Variants in SLC7A10 observed in about 807,000 individuals in gnomAD.
SLC7A10 encodes the protein solute carrier family 7 member 10.
SLC7A10 carries 30 observed loss-of-function variants against 52.7 expected under a neutral mutation model. That is an observed-to-expected ratio of 0.57 (90% CI 0.43 to 0.77). SLC7A10 has a LOEUF of 0.77. SLC7A10 is among the 30% of genes least tolerant of loss of function. SLC7A10 has a pLI of 0.00. For missense variants in SLC7A10, 581 were observed against 698.5 expected (o/e 0.83, Z 1.90); for synonymous variants, 318 against 314.9 (o/e 1.01, Z -0.10).
Position 33,215,851 on chromosome 19 carries a change from A to T in SLC7A10, c.274T>A (p.Cys92Ser). The T allele has an allele frequency of 6.2e-7, 1 of 1,601,624 alleles. No individual in the cohort carries two copies. Among genetic ancestry groups the T allele is most frequent in the Non-Finnish European group, 8.5e-7 (1 of 1,174,436 alleles). ...GGGVTALGSL[C>S]YAELGVAIPK... is the part of the protein sequence containing the mutation. ...ATGGCGACTCCCAGCTCTGCATAGC[A>T]GAGGGAGCCCAGAGCCGTCACGCCC... The change falls in exon 2 of 11, where the codon TGC (cysteine) becomes AGC (serine). Residue 92 changes from cysteine to serine, a missense_variant. By Grantham distance (112) the Cys-to-Ser change is moderately radical (BLOSUM62 -1). Transcript: ENST00000253188.
intron 1 of SLC7A10, among the ~76,000 whole-genome samples, chr19:33,224,624 C>T (rs1490212951): frequency 1.3e-5 from 2 of 152,104 alleles, no homozygotes; most frequent in African/African-American, 4.8e-5. Context: ...TGAGAACAGT[C>T]GAGGCCCCAG....
Position 33,210,789 on chromosome 19 carries a change from TCCC to T in SLC7A10, c.1113+10_1113+12del. ...GCCTCCACGCCCTGCCTGGCCCAGG[TCCC>T]CCAACTTACACAGACGAGGAGGGCG... On this transcript the variant is annotated intron_variant, in intron 8 of 10. Transcript: ENST00000253188. This position sits in a 1 kb window ranked among gnomAD's most constrained non-coding sequence, Gnocchi z 5.6. 1 of 1,612,624 alleles carries T rather than the reference TCCC, an allele frequency of 6.2e-7. No individual in the cohort carries two copies. Among genetic ancestry groups the T allele is most frequent in the East Asian group, 2.2e-5 (1 of 44,856 alleles).
chr19:33,209,558 T>G (rs1974493991), intron 9 of SLC7A10, 73 bp from the exon 10 acceptor site: 1 of 1,501,494 alleles, frequency 6.7e-7, no homozygotes, highest in Non-Finnish European at 9.1e-7. Context: ...CCTGGGGGTC[T>G]GGGGAATTTT....
At position 33,215,794 on chromosome 19, in the gene SLC7A10, T is replaced by C; in HGVS notation, c.331A>G (p.Thr111Ala). Residue 111 changes from threonine to alanine, a missense_variant, in exon 2 of 11, where the codon ACA becomes GCA. Transcript: ENST00000253188. The stretch of plus-strand genomic sequence containing the variant: ...CCAGCCAGGCCCCCGAAGATCTCTG[T>C]GACGTAGGCGTAGTCCCCGCCAGAC... ...PKSGGDYAYV[T>A]EIFGGLAGFL... 6.4e-7 allele frequency: 1 copy of C among 1,564,186 alleles called. No individual in the cohort carries two copies. The highest frequency in any genetic ancestry group is 8.7e-7 in the Non-Finnish European group (1 of 1,154,478).
chr19:33,217,417 T>C (rs1208507255), intron 1 of SLC7A10, among the ~76,000 whole-genome samples: 1 of 152,162 alleles, frequency 6.6e-6, no homozygotes, highest in African/African-American at 2.4e-5. Context: ...AGCCCTGAGC[T>C]CCGCAAAGAG....
rs1974461763 is a variant in SLC7A10, at chr19:33,208,737, G to GTCCACATTT, written c.*145_*153dup. On this transcript the variant is annotated 3_prime_UTR_variant, in exon 11 of 11. Transcript: ENST00000253188. This position sits in a 1 kb window ranked among gnomAD's most constrained non-coding sequence, Gnocchi z 4.7. ...GGGCAGTGCTAAGACAGGAAACCCA[G>GTCCACATTT]TCCACATTTTAGGGCTTCCTTAAAC... 2.1e-6 allele frequency: 2 copies of GTCCACATTT among 930,682 alleles called. No individual in the cohort carries two copies. The highest frequency in any genetic ancestry group is 2.2e-4 in the Middle Eastern group (1 of 4,522). The allele number at this position is 930,682 out of a possible 1,614,324, so 57.7% of individuals were successfully genotyped here. A position where few individuals can be genotyped will look rare whatever the true frequency, so the allele number is the denominator to read the frequency against.
At position 33,225,582 on chromosome 19, in the gene SLC7A10, C is replaced by T. The variant is rs748612988; in HGVS notation, c.122G>A (p.Gly41Glu). 1 of 1,596,500 alleles carries T rather than the reference C, an allele frequency of 6.3e-7. No individual in the cohort carries two copies. Reference protein sequence around the residue: ...SERVALKKEIGLLSACTIIIG... With the variant: ...SERVALKKEIELLSACTIIIG... ...GATGATGGTGCAGGCGCTCAGCAGC[C>T]CGATCTCCTTCTTGAGCGCCACCCG... Residue 41 changes from glycine to glutamate, a missense_variant, in exon 1 of 11, where the codon GGG becomes GAG. By Grantham distance (98) the Gly-to-Glu change is moderately conservative. Transcript: ENST00000253188.
rs1344577597 is a variant in SLC7A10 at position 33,212,908 on chromosome 19, A to G, written c.451T>C (p.Phe151Leu). ...TFSNYVLQPV[F>L]PNCIPPTTAS... ...GTGGTGGGGGGGATGCAGTTGGGGA[A>G]CACGGGCTGCAGCACGTAGTTGGAG... is the stretch of plus-strand genomic sequence containing the variant. Residue 151 changes from phenylalanine (F) to leucine (L), a missense_variant, in exon 3 of 11, where the codon TTC becomes CTC. Transcript: ENST00000253188. 2 of 1,614,074 alleles carry G rather than the reference A, an allele frequency of 1.2e-6. No individual in the cohort carries two copies. Among genetic ancestry groups the G allele is most frequent in the African/African-American group, 2.7e-5 (2 of 74,942 alleles).
At chr19:33,213,490 G>A (rs1273431336) in intron 2 of SLC7A10, among the ~76,000 whole-genome samples, 2 of 152,008 alleles carry the variant, frequency 1.3e-5, no homozygotes, top group African/African-American at 2.4e-5. Context: ...GAGTTTCACC[G>A]TGTTAGCCAG....
chr19:33,223,610 C>A (rs973754195), intron 1 of SLC7A10, among the ~76,000 whole-genome samples: 14 of 151,982 alleles, frequency 9.2e-5, no homozygotes, highest in African/African-American at 3.4e-4. Context: ...TTGTTTTTTC[C>A]TGCCTCGTCC....
chr19:33,211,205 C>T lies in SLC7A10; in HGVS notation c.1016+20G>A, dbSNP rs746643304. The T allele has an allele frequency of 1.2e-5, 20 of 1,609,708 alleles. No homozygotes were observed. Among genetic ancestry groups the T allele is most frequent in the Admixed American group, 1.7e-5 (1 of 60,018 alleles). ...CCCCAGCCTTCCCTCCCCATGCCCA[C>T]GTCTCCCCAGTGCAGTCACCTGGAG... On this transcript the variant is annotated intron_variant, in intron 7 of 10. Coordinates refer to ENST00000253188, the MANE Select transcript of SLC7A10 (RefSeq NM_019849.3).
Position 33,215,756 on chromosome 19 carries a change from G to T in SLC7A10, c.356+13C>A, listed in dbSNP as rs1450985202. Reference sequence around the variant, plus strand: ...AGAGGGTGTCCCCCTGCCCGCTGGTGCCCCACACTCACCCAGCCAGGCCCC... The same window carrying T: ...AGAGGGTGTCCCCCTGCCCGCTGGTTCCCCACACTCACCCAGCCAGGCCCC... On this transcript the variant is annotated intron_variant, in intron 2 of 10. Coordinates refer to ENST00000253188, the MANE Select transcript of SLC7A10 (RefSeq NM_019849.3). The T allele has an allele frequency of 1.9e-6, 3 of 1,551,696 alleles. No homozygotes were observed. The highest frequency in any genetic ancestry group is 2.4e-5 in the South Asian group (2 of 84,120).
In SLC7A10 at chr19:33,210,851, G is replaced by A; in HGVS notation, c.1064C>T (p.Ala355Val). ...GGTGCAGTGTCTGACGTGGATCATG[G>A]CCAGCAGGCTGGGCAGGTGCCCCTC... ...AREGHLPSLLAMIHVRHCTPI... is the reference protein window; with the variant it reads ...AREGHLPSLLVMIHVRHCTPI... Residue 355 changes from alanine (A) to valine (V), a missense_variant, in exon 8 of 11, where the codon GCC becomes GTC. Physicochemically the swap from Ala to Val is moderately conservative, Grantham distance 64. Transcript: ENST00000253188. The surrounding 1 kb of genome is among the most constrained non-coding windows in gnomAD (Gnocchi z 5.6). The A allele has an allele frequency of 6.2e-7, 1 of 1,613,536 alleles. No individual in the cohort carries two copies.
chr19:33,225,234 C>T (rs978937532), intron 1 of SLC7A10, among the ~76,000 whole-genome samples: 4 of 152,248 alleles, frequency 2.6e-5, no homozygotes, highest in Middle Eastern at 3.2e-3. Context: ...CAGTCATGGC[C>T]ATTTCACAGA....
At chr19:33,223,598 CCTT>C (rs145794928) in intron 1 of SLC7A10, among the ~76,000 whole-genome samples, 2,958 of 152,054 alleles carry the variant, frequency 0.019, 86 homozygotes, top group African/African-American at 0.06. Flanking sequence ...AGGTTGATCT[CCTT>C]GTTTTTTCCT....
chr19:33,212,812 T>C (rs1256466317), intron 3 of SLC7A10, 39 bp downstream of exon 3: 2 of 1,609,654 alleles, frequency 1.2e-6, no homozygotes, highest in Non-Finnish European at 1.7e-6. Flanking sequence ...CCCGGGCAGG[T>C]GGCTGATCTG....
intron 1 of SLC7A10, among the ~76,000 whole-genome samples, chr19:33,223,930 A>G (rs1974866288): frequency 1.4e-5 from 2 of 139,142 alleles, no homozygotes; most frequent in African/African-American, 5.5e-5. Context: ...TCCCACCACC[A>G]CCACCTCTAC....
intron 1 of SLC7A10, among the ~76,000 whole-genome samples, chr19:33,223,943 T>TCACCACCAC (rs80120440): frequency 3.3e-4 from 48 of 147,212 alleles, no homozygotes; most frequent in African/African-American, 8.3e-4. Context: ...ACCTCTACCA[T>TCACCACCAC]CACCACCACC....
chr19:33,213,322 T>A (rs543830290), intron 2 of SLC7A10, among the ~76,000 whole-genome samples: 1 of 151,258 alleles, frequency 6.6e-6, no homozygotes, highest in Non-Finnish European at 1.5e-5. Context: ...GGAGTCTTGC[T>A]CTGTCACCCA....
Sources: allele counts gnomAD v4.1 joint callset (sites outside exome capture counted in the v4.1 genomes callset), GRCh38; gene constraint gnomAD v4.1.1; non-coding constraint Gnocchi (gnomAD v3.1); transcripts MANE v1.5; gene names NCBI Gene and HGNC (gene_info 2026-07-23, HGNC 2026-07-21).